Variants in EDIL3 observed in about 807,000 individuals in gnomAD.
The protein encoded by EDIL3 is EGF like and discoidin domains 3.
Under a neutral mutation model 67.4 loss-of-function variants are expected in EDIL3, and 37 were observed. The observed-to-expected ratio is 0.55, with a 90% CI of 0.42 to 0.72. The LOEUF is 0.72. Among genes scored for constraint, EDIL3 ranks in the 30% least tolerant of loss-of-function variants. The probability of loss-of-function intolerance (pLI) is 0.00; values close to 1 mark genes in which losing one functional copy is unlikely to be tolerated. For missense variants in EDIL3, 527 were observed against 586.3 expected (o/e 0.90, Z 1.04); for synonymous variants, 195 against 196.3 (o/e 0.99, Z 0.05).
chr5:84,350,993 T>C (rs305653), intron 1 of EDIL3, among the ~76,000 whole-genome samples: 66,224 of 151,964 alleles, frequency 0.44, 14,650 homozygotes, highest in Middle Eastern at 0.51. Context: ...TTTACACTCA[T>C]GGCACATATT....
chr5:84,148,654 T>G (rs1054719338), intron 4 of EDIL3, among the ~76,000 whole-genome samples: 1 of 152,082 alleles, frequency 6.6e-6, no homozygotes, highest in African/African-American at 2.4e-5. Context: ...CAGAATCTCA[T>G]CTACAAAATT....
At chr5:83,944,396 CTTTTTTTT>C (rs35919017) in intron 10 of EDIL3, among the ~76,000 whole-genome samples, 1 of 117,118 alleles carries the variant, frequency 8.5e-6, no homozygotes, top group Non-Finnish European at 1.8e-5. Flanking sequence ...TGTAAAAATG[CTTTTTTTT>C]TTTTTTTTTT....
intron 5 of EDIL3, among the ~76,000 whole-genome samples, chr5:84,119,019 A>T (rs1474917255): frequency 6.6e-6 from 1 of 152,156 alleles, no homozygotes; most frequent in Non-Finnish European, 1.5e-5. Context: ...ATACATGGTT[A>T]GCACATAGTA....
chr5:84,164,938 G>A (rs1375400377), intron 4 of EDIL3, among the ~76,000 whole-genome samples: 6 of 152,078 alleles, frequency 3.9e-5, no homozygotes, highest in African/African-American at 4.8e-5. Flanking sequence ...ATCGATGAGC[G>A]ATAAGGGCAA....
chr5:84,006,285 T>A (rs532562270), intron 9 of EDIL3, among the ~76,000 whole-genome samples: 2 of 152,152 alleles, frequency 1.3e-5, no homozygotes, highest in African/African-American at 4.8e-5. Flanking sequence ...AAAGATTCAA[T>A]GCTATTCCTA....
At chr5:84,247,698 G>C (rs1580397038) in intron 2 of EDIL3, among the ~76,000 whole-genome samples, 1 of 151,984 alleles carries the variant, frequency 6.6e-6, no homozygotes, top group South Asian at 2.1e-4. Context: ...GAATATGATA[G>C]GTAAAAGAGG....
intron 9 of EDIL3, among the ~76,000 whole-genome samples, chr5:83,992,519 GAGA>G (rs1745169023): frequency 6.6e-6 from 1 of 152,146 alleles, no homozygotes; most frequent in Non-Finnish European, 1.5e-5. Context: ...CAGCGAGGAA[GAGA>G]AGAAGGCAAG....
chr5:84,230,702 C>T (rs1008782423), intron 2 of EDIL3, among the ~76,000 whole-genome samples: 7 of 151,714 alleles, frequency 4.6e-5, no homozygotes, highest in East Asian at 1.9e-4. Flanking sequence ...CCACCGAACC[C>T]GGCCTGGACT....
chr5:84,188,669 T>C (rs1743517403), intron 3 of EDIL3, among the ~76,000 whole-genome samples: 2 of 151,928 alleles, frequency 1.3e-5, no homozygotes, highest in African/African-American at 2.4e-5. Context: ...AATGAGGTCA[T>C]ATAAGTGGGC....
In EDIL3 at chr5:84,158,844, T is replaced by C. The variant is rs926605124; in HGVS notation, c.356-21490A>G. Among the ~76,000 whole-genome samples the C allele has an allele frequency of 3.3e-5, 5 of 152,156 alleles. No individual in the cohort carries two copies. The South Asian group carries it at 6.2e-4, about 19-fold the overall frequency. On this transcript the variant is annotated intron_variant, in intron 4 of 10. Coordinates refer to ENST00000296591, the MANE Select transcript of EDIL3 (RefSeq NM_005711.5). Reference sequence around the variant, plus strand: ...ACTTCTAAAACCTGAGGTTAAGAAATTAAATTCTGTCATTTCATGTTTTGG... The same window carrying C: ...ACTTCTAAAACCTGAGGTTAAGAAACTAAATTCTGTCATTTCATGTTTTGG...
intron 5 of EDIL3, among the ~76,000 whole-genome samples, chr5:84,123,855 C>T (rs348905): frequency 1.1e-4 from 17 of 151,728 alleles, no homozygotes; most frequent in Admixed American, 2.0e-4. Context: ...ACAGTAGTTC[C>T]TTTTTACTTA....
chr5:84,273,425 T>G (rs767481276), intron 1 of EDIL3, among the ~76,000 whole-genome samples: 1 of 152,184 alleles, frequency 6.6e-6, no homozygotes, highest in Non-Finnish European at 1.5e-5. Context: ...TCCCACATAC[T>G]TAAGTCCCTT....
chr5:84,051,899 A>G (rs957246655), intron 9 of EDIL3, among the ~76,000 whole-genome samples: 12 of 152,254 alleles, frequency 7.9e-5, no homozygotes, highest in Non-Finnish European at 1.8e-4. Context: ...GATATCATCC[A>G]GGAGAACTTC....
intron 6 of EDIL3, among the ~76,000 whole-genome samples, chr5:84,079,927 T>G (rs1438995869): frequency 1.3e-5 from 2 of 151,662 alleles, no homozygotes; most frequent in Non-Finnish European, 2.9e-5. Flanking sequence ...TGTGAAGGCT[T>G]GGGTGGTGAG....
intron 4 of EDIL3, among the ~76,000 whole-genome samples, chr5:84,174,525 G>A (rs992086667): frequency 6.6e-6 from 1 of 152,126 alleles, no homozygotes; most frequent in African/African-American, 2.4e-5. Context: ...TCTTTTTCCA[G>A]CCTGGAGGCT....
intron 9 of EDIL3, among the ~76,000 whole-genome samples, chr5:83,973,983 T>A (rs1744835844): frequency 6.6e-6 from 1 of 151,960 alleles, no homozygotes; most frequent in East Asian, 2.0e-4. Context: ...GAACACACAA[T>A]GTATTTTTGT....
At chr5:84,271,363 G>A (rs1033802066) in intron 1 of EDIL3, among the ~76,000 whole-genome samples, 1 of 151,408 alleles carries the variant, frequency 6.6e-6, no homozygotes, top group African/African-American at 2.4e-5. Flanking sequence ...GCAGTGAGCC[G>A]AGATTGCGCC....
At chr5:84,286,223 T>C (rs1179687102) in intron 1 of EDIL3, among the ~76,000 whole-genome samples, 1 of 152,170 alleles carries the variant, frequency 6.6e-6, no homozygotes, top group Non-Finnish European at 1.5e-5. Context: ...TGTGATAGCA[T>C]GCATTTTCAC....
chr5:84,197,603 G>A (rs944822169), intron 3 of EDIL3, among the ~76,000 whole-genome samples: 3 of 151,418 alleles, frequency 2.0e-5, no homozygotes, highest in Non-Finnish European at 4.4e-5. Context: ...AGTTTACAGT[G>A]AGCTGAGATC....
Sources: gnomAD v4.1 joint callset for allele counts (sites outside exome capture counted in the v4.1 genomes callset) on GRCh38, gnomAD v4.1.1 for gene constraint, MANE v1.5 for transcripts, NCBI Gene and HGNC (gene_info 2026-07-23, HGNC 2026-07-21) for gene names.